The following AGMO variants were observed in gnomAD, a reference collection of about 807,000 sequenced individuals.
AGMO encodes glyceryl-ether monooxygenase.
In AGMO, 75 loss-of-function variants were observed where a neutral mutation model predicts 60.2. The ratio of observed to expected loss-of-function variants is 1.25; its 90% confidence interval spans 1.03 to 1.51. AGMO has a LOEUF of 1.51. Among genes scored for constraint, AGMO ranks in the 40% most tolerant of loss-of-function variants. AGMO has a pLI of 0.00. For synonymous variants in AGMO, 261 were observed against 177.1 expected, an observed-to-expected ratio of 1.47 and a Z score of -3.76; for missense variants, 763 against 525.5, an observed-to-expected ratio of 1.45 and a Z score of -4.42.
chr7:15,491,289 A>C (rs1339386001), intron 3 of AGMO, among the ~76,000 whole-genome samples: 1 of 152,198 alleles, frequency 6.6e-6, no homozygotes, highest in Non-Finnish European at 1.5e-5. Flanking sequence ...TAATATGTGC[A>C]AAACTAGGCA....
intron 3 of AGMO, among the ~76,000 whole-genome samples, chr7:15,478,643 C>T (rs1207357623): frequency 6.6e-6 from 1 of 152,106 alleles, no homozygotes; most frequent in Non-Finnish European, 1.5e-5. Flanking sequence ...TAGAACACTA[C>T]ACATCACGTT....
At chr7:15,287,938 T>C (rs1784146313) in intron 12 of AGMO, among the ~76,000 whole-genome samples, 2 of 152,230 alleles carry the variant, frequency 1.3e-5, no homozygotes, top group Non-Finnish European at 1.5e-5. Context: ...TTTCAGGTGC[T>C]ATGGAAATCT....
At chr7:15,259,209 AACTC>A (rs1783195915) in intron 12 of AGMO, among the ~76,000 whole-genome samples, 1 of 152,044 alleles carries the variant, frequency 6.6e-6, no homozygotes, top group Non-Finnish European at 1.5e-5. Flanking sequence ...GCATAAATAA[AACTC>A]AATCACAATT....
At chr7:15,554,696 C>T (rs1320550466) in intron 2 of AGMO, among the ~76,000 whole-genome samples, 3 of 152,016 alleles carry the variant, frequency 2.0e-5, no homozygotes, top group Non-Finnish European at 4.4e-5. Context: ...TACTAAATTG[C>T]TATTTAGTAT....
intron 2 of AGMO, among the ~76,000 whole-genome samples, chr7:15,548,614 G>C (rs1784857290): frequency 6.6e-6 from 1 of 151,988 alleles, no homozygotes. Flanking sequence ...GAAGTTTAGA[G>C]AAAAAATAAT....
chr7:15,550,128 G>T (rs2115295185), intron 2 of AGMO, among the ~76,000 whole-genome samples: 1 of 151,804 alleles, frequency 6.6e-6, no homozygotes, highest in African/African-American at 2.4e-5. Context: ...CGAGAACAAA[G>T]ACACAACATA....
chr7:15,370,229 T>A (rs959885479), intron 10 of AGMO, among the ~76,000 whole-genome samples: 7 of 152,156 alleles, frequency 4.6e-5, no homozygotes, highest in African/African-American at 1.7e-4. Flanking sequence ...GCAAAGGACA[T>A]GAATTCTTTT....
intron 12 of AGMO, among the ~76,000 whole-genome samples, chr7:15,227,049 T>C (rs949681550): frequency 6.6e-6 from 1 of 152,038 alleles, no homozygotes. Context: ...GTCTCTTCCT[T>C]AACTTCATCT....
chr7:15,347,542 A>T (rs1049343670), intron 12 of AGMO, among the ~76,000 whole-genome samples: 2 of 151,956 alleles, frequency 1.3e-5, no homozygotes, highest in African/African-American at 4.8e-5. Context: ...TTATAGCTTA[A>T]AATAATTAAA....
At chr7:15,315,330 T>TTC (rs1260389151) in intron 12 of AGMO, among the ~76,000 whole-genome samples, 1 of 107,248 alleles carries the variant, frequency 9.3e-6, no homozygotes, top group Non-Finnish European at 1.8e-5. Flanking sequence ...GATATTTGCT[T>TTC]TTTTTTTTTT....
intron 12 of AGMO, among the ~76,000 whole-genome samples, chr7:15,332,378 C>T (rs1034412874): frequency 6.6e-6 from 1 of 152,110 alleles, no homozygotes; most frequent in African/African-American, 2.4e-5. Context: ...AACATGGAGA[C>T]TAAAGGTCTG....
At chr7:15,174,200 TATAA>T in the AGMO span, among the ~76,000 whole-genome samples, 1 of 152,010 alleles carries the variant, frequency 6.6e-6, no homozygotes, top group African/African-American at 2.4e-5. Context: ...GCAAATTAGA[TATAA>T]ATAGAAATAA....
intron 3 of AGMO, among the ~76,000 whole-genome samples, chr7:15,440,427 G>A (rs539672477): frequency 2.6e-5 from 4 of 152,278 alleles, no homozygotes; most frequent in African/African-American, 7.2e-5. Context: ...ATTTTCTCAA[G>A]AAATTAATGA....
intron 4 of AGMO, among the ~76,000 whole-genome samples, chr7:15,422,283 T>TC (rs2128495355): frequency 6.6e-6 from 1 of 152,152 alleles, no homozygotes; most frequent in African/African-American, 2.4e-5. Context: ...GTTTATTTTT[T>TC]TTTAATGTGA....
the AGMO span, among the ~76,000 whole-genome samples, chr7:15,182,912 A>G: frequency 6.6e-6 from 1 of 152,120 alleles, no homozygotes; most frequent in African/African-American, 2.4e-5. Flanking sequence ...AAGGCCATAC[A>G]GGAGGAAGAG....
chr7:15,129,067 C>T, the AGMO span, among the ~76,000 whole-genome samples: 1 of 152,006 alleles, frequency 6.6e-6, no homozygotes, highest in South Asian at 2.1e-4. Context: ...AGTTGGGAAG[C>T]ATGTTTGGCT....
chr7:15,222,220 AT>A (rs949528723), intron 12 of AGMO, among the ~76,000 whole-genome samples: 8 of 151,946 alleles, frequency 5.3e-5, no homozygotes, highest in South Asian at 2.1e-4. Context: ...CTAATAACAG[AT>A]TTTTTTTGGT....
chr7:15,314,456 C>T (rs915157195), intron 12 of AGMO, among the ~76,000 whole-genome samples: 13 of 151,928 alleles, frequency 8.6e-5, no homozygotes, highest in Non-Finnish European at 1.6e-4. Flanking sequence ...ATTTTATATA[C>T]CTAATTCTTA....
At chr7:15,268,005 G>C (rs1783484553) in intron 12 of AGMO, among the ~76,000 whole-genome samples, 1 of 151,766 alleles carries the variant, frequency 6.6e-6, no homozygotes, top group Non-Finnish European at 1.5e-5. Flanking sequence ...AACATTTAGT[G>C]AACAACTATT....
Sources: allele counts gnomAD v4.1 joint callset (sites outside exome capture counted in the v4.1 genomes callset), GRCh38; gene constraint gnomAD v4.1.1; transcripts MANE v1.5; gene names NCBI Gene and HGNC (gene_info 2026-07-23, HGNC 2026-07-21).